Variants in FIRRM observed in about 807,000 individuals in gnomAD.
FIRRM encodes the protein FIGNL1 interacting regulator of recombination and mitosis, also known as FIGNL1-interacting regulator of recombination and mitosis.
At chr1:169,789,020 T>C in the FIRRM span, among the ~76,000 whole-genome samples, 1 of 152,230 alleles carries the variant, frequency 6.6e-6, no homozygotes, top group African/African-American at 2.4e-5. Context: ...ATCTGGGCTA[T>C]ATAGAAGCTG....
At chr1:169,852,785 TCCAGCC>T in the FIRRM span, 1 of 1,613,378 alleles carries the variant, frequency 6.2e-7, no homozygotes, top group African/African-American at 1.3e-5. Context: ...ATGTTTTTTT[TCCAGCC>T]TTATGCAAAA....
the FIRRM span, among the ~76,000 whole-genome samples, chr1:169,844,135 C>T: frequency 1.3e-5 from 2 of 152,158 alleles, no homozygotes; most frequent in African/African-American, 4.8e-5. Context: ...TGGAATCTAA[C>T]CAGTGTGTAT....
chr1:169,818,849 G>T, the FIRRM span, among the ~76,000 whole-genome samples: 5 of 152,138 alleles, frequency 3.3e-5, no homozygotes, highest in East Asian at 5.8e-4. Context: ...ACCACACCTG[G>T]CTAATTTTTG....
At chr1:169,817,991 C>A in the FIRRM span, among the ~76,000 whole-genome samples, 2 of 151,716 alleles carry the variant, frequency 1.3e-5, no homozygotes, top group South Asian at 4.1e-4. Flanking sequence ...AAATGTTGTA[C>A]AACTTGCTCA....
chr1:169,852,083 T>C, the FIRRM span: 1 of 1,100,074 alleles, frequency 9.1e-7, no homozygotes, highest in Non-Finnish European at 1.3e-6. Context: ...TGTTTTATGG[T>C]AGTTGCTTTT....
the FIRRM span, among the ~76,000 whole-genome samples, chr1:169,797,119 C>G: frequency 3.9e-5 from 6 of 152,202 alleles, no homozygotes; most frequent in Admixed American, 3.9e-4. Context: ...CCCTCAGCAC[C>G]TAGAACAGTG....
At chr1:169,852,903 T>TG in the FIRRM span, 3 of 1,614,178 alleles carry the variant, frequency 1.9e-6, no homozygotes, top group South Asian at 2.2e-5. Flanking sequence ...AAAAGGGTCC[T>TG]GCTCCAGCCT....
At chr1:169,801,853 A>C in the FIRRM span, among the ~76,000 whole-genome samples, 5 of 152,166 alleles carry the variant, frequency 3.3e-5, no homozygotes, top group African/African-American at 4.8e-5. Flanking sequence ...TAATCTTTCA[A>C]ATTTCTTGTA....
At chr1:169,790,023 C>A in the FIRRM span, among the ~76,000 whole-genome samples, 4 of 152,078 alleles carry the variant, frequency 2.6e-5, no homozygotes, top group Admixed American at 6.5e-5. Context: ...GTTATCATAA[C>A]CCTTAAATGA....
At chr1:169,793,983 A>G in the FIRRM span, 1 of 261,704 alleles carries the variant, frequency 3.8e-6, no homozygotes. Flanking sequence ...TTAAACAGCC[A>G]CCCCCACCCC....
At chr1:169,798,283 T>TC in the FIRRM span, among the ~76,000 whole-genome samples, 2 of 151,910 alleles carry the variant, frequency 1.3e-5, no homozygotes, top group African/African-American at 4.8e-5. Flanking sequence ...TCTCTCTTTT[T>TC]TTTTTTTTTT....
At chr1:169,809,242 C>T in the FIRRM span, among the ~76,000 whole-genome samples, 1 of 152,184 alleles carries the variant, frequency 6.6e-6, no homozygotes, top group African/African-American at 2.4e-5. Flanking sequence ...TGCCCCTCCC[C>T]TTGTATCCCT....
chr1:169,788,276 A>G, the FIRRM span, among the ~76,000 whole-genome samples: 11 of 152,186 alleles, frequency 7.2e-5, no homozygotes, highest in Non-Finnish European at 5.9e-5. Context: ...AGATCAATCA[A>G]TCCTCTTCCT....
chr1:169,839,370 T>C, the FIRRM span, among the ~76,000 whole-genome samples: 25 of 152,340 alleles, frequency 1.6e-4, 1 homozygote, highest in South Asian at 3.7e-3. Flanking sequence ...TGAAATAATA[T>C]ACATTCCTAC....
At chr1:169,827,704 A>G in the FIRRM span, 3 of 1,613,788 alleles carry the variant, frequency 1.9e-6, no homozygotes, top group South Asian at 2.2e-5. Flanking sequence ...TTTTTATTAC[A>G]TGTAAGACCT....
the FIRRM span, chr1:169,798,996 T>C: frequency 1.4e-5 from 13 of 898,182 alleles, no homozygotes; most frequent in Non-Finnish European, 2.2e-5. Flanking sequence ...TGTACTTTGA[T>C]GTTAAGGTCC....
At chr1:169,817,616 T>A in the FIRRM span, among the ~76,000 whole-genome samples, 5 of 152,192 alleles carry the variant, frequency 3.3e-5, no homozygotes, top group Non-Finnish European at 7.4e-5. Context: ...AAGTTTCACC[T>A]TTGCACTAGT....
chr1:169,795,682 G>A, the FIRRM span: 1 of 987,174 alleles, frequency 1.0e-6, no homozygotes, highest in Non-Finnish European at 1.2e-6. Flanking sequence ...CTTTCTTAGC[G>A]TTATAAGAAT....
the FIRRM span, among the ~76,000 whole-genome samples, chr1:169,831,796 C>G: frequency 6.6e-6 from 1 of 152,072 alleles, no homozygotes; most frequent in African/African-American, 2.4e-5. Context: ...ATTCTGTCAC[C>G]CAGGCTGGAA....
Sources: gnomAD v4.1 joint callset for allele counts (sites outside exome capture counted in the v4.1 genomes callset) on GRCh38, gnomAD v4.1.1 for gene constraint, MANE v1.5 for transcripts, NCBI Gene and HGNC (gene_info 2026-07-23, HGNC 2026-07-21) for gene names.